SLC17A8: variants seen among roughly 807,000 people sequenced by gnomAD.
SLC17A8 encodes the protein solute carrier family 17 member 8.
A neutral mutation model predicts 58.0 loss-of-function variants in SLC17A8; 31 were observed. The observed-to-expected ratio is 0.53, with a 90% CI of 0.40 to 0.72. The LOEUF is 0.72. SLC17A8 is among the 30% of genes least tolerant of loss of function. The pLI is 0.00. For synonymous variants in SLC17A8, 228 were observed against 249.0 expected, an observed-to-expected ratio of 0.92 and a Z score of 0.79; for missense variants, 655 against 727.8, an observed-to-expected ratio of 0.90 and a Z score of 1.15.
chr12:100,404,870 T>C (rs1369028665), intron 9 of SLC17A8, among the ~76,000 whole-genome samples: 2 of 152,226 alleles, frequency 1.3e-5, no homozygotes, highest in Non-Finnish European at 2.9e-5. Context: ...AGCAGATCCC[T>C]GCAAGGTATC....
intron 2 of SLC17A8, among the ~76,000 whole-genome samples, chr12:100,381,808 G>T (rs1336114232): frequency 1.3e-5 from 2 of 152,046 alleles, no homozygotes; most frequent in Non-Finnish European, 2.9e-5. Context: ...AAACATATGG[G>T]CTTCTTTAGT....
In SLC17A8 at chr12:100,393,461, G is replaced by A. The variant is rs1203098049; in HGVS notation, c.566G>A (p.Arg189Lys). ...CATTACGGATGCGTCATGTGTGTCA[G>A]AATTCTGCAAGGTTTAGTGGAGGTA... ...RVHYGCVMCV[R>K]ILQGLVEGVT... The change falls in exon 4 of 12, where the codon AGA becomes AAA. Residue 189 changes from arginine (R) to lysine (K), a missense_variant. Arg to Lys is a conservative substitution (Grantham distance 26). Transcript: ENST00000323346. The A allele has an allele frequency of 3.1e-6, 5 of 1,613,324 alleles. No homozygotes were observed. The Admixed American group carries it at 5.0e-5, about 16-fold the overall frequency.
chr12:100,409,136 C>T (rs1952847158), intron 9 of SLC17A8, among the ~76,000 whole-genome samples: 1 of 149,970 alleles, frequency 6.7e-6, no homozygotes, highest in African/African-American at 2.5e-5. Context: ...TGCATTAATT[C>T]ATTAAACGTT....
chr12:100,383,544 G>C (rs1430292394), intron 2 of SLC17A8, among the ~76,000 whole-genome samples: 2 of 152,046 alleles, frequency 1.3e-5, no homozygotes. Context: ...ATGTTTGTTT[G>C]GTTTTTCTGT....
intron 10 of SLC17A8, among the ~76,000 whole-genome samples, chr12:100,415,223 T>A (rs1952897664): frequency 6.6e-6 from 1 of 152,192 alleles, no homozygotes; most frequent in Middle Eastern, 3.4e-3. Context: ...CCCAGCACTT[T>A]GGGAGGCCGA....
intron 5 of SLC17A8, among the ~76,000 whole-genome samples, chr12:100,400,513 A>C (rs1952783625): frequency 6.6e-6 from 1 of 152,110 alleles, no homozygotes; most frequent in African/African-American, 2.4e-5. Flanking sequence ...GGGTGTCATG[A>C]TGTTCAGATT....
chr12:100,395,567 C>T (rs111875451), intron 4 of SLC17A8, among the ~76,000 whole-genome samples: 128 of 152,122 alleles, frequency 8.4e-4, no homozygotes, highest in African/African-American at 1.7e-3. Flanking sequence ...TTAGGTGATC[C>T]GCCCACCTCG....
Position 100,378,775 on chromosome 12 carries a change from G to T in SLC17A8, c.102-1926G>T, listed in dbSNP as rs542893902. On this transcript the variant is annotated intron_variant, in intron 1 of 11. Transcript: ENST00000323346. ...AGGCCGGCAGGTAGGTAGGTACATT[G>T]GTAGGGAAATGGTTAGGTTCTTTTC... Among the ~76,000 whole-genome samples the T allele has an allele frequency of 2.0e-5, 3 of 152,232 alleles. No individual in the cohort carries two copies. In the East Asian group the frequency reaches 5.8e-4, roughly 29 times the overall value.
chr12:100,395,651 T>TACA (rs1952748396), intron 4 of SLC17A8, among the ~76,000 whole-genome samples: 2 of 151,380 alleles, frequency 1.3e-5, no homozygotes, highest in Admixed American at 1.3e-4. Flanking sequence ...CTCGCTCTGT[T>TACA]GCCCAGGCTG....
intron 9 of SLC17A8, among the ~76,000 whole-genome samples, chr12:100,409,086 A>C (rs575007401): frequency 6.6e-6 from 1 of 152,172 alleles, no homozygotes; most frequent in Admixed American, 6.5e-5. Context: ...TCAGCTTGTG[A>C]ATCTTATTTT....
intron 1 of SLC17A8, among the ~76,000 whole-genome samples, chr12:100,377,474 C>T (rs1248521891): frequency 6.6e-6 from 1 of 151,098 alleles, no homozygotes; most frequent in Non-Finnish European, 1.5e-5. Flanking sequence ...AGTCACACAG[C>T]TGAGTAAGTG....
At chr12:100,385,233 A>AAT (rs536073251) in intron 2 of SLC17A8, among the ~76,000 whole-genome samples, 1 of 106,696 alleles carries the variant, frequency 9.4e-6, no homozygotes, top group Non-Finnish European at 1.8e-5. Context: ...TGTCTTAAAC[A>AAT]TTTTTTTTTT....
At position 100,393,448 on chromosome 12, in the gene SLC17A8, G is replaced by C. The variant is rs778461278; in HGVS notation, c.553G>C (p.Val185Leu). ...TGCAGCCAGAGTGCATTACGGATGC[G>C]TCATGTGTGTCAGAATTCTGCAAGG... ...PSAARVHYGC[V>L]MCVRILQGLV... The change falls in exon 4 of 12, where the codon GTC becomes CTC. Residue 185 changes from valine to leucine, a missense_variant. Physicochemically the swap from Val to Leu is conservative, Grantham distance 32. Transcript: ENST00000323346. The C allele has an allele frequency of 1.9e-6, 3 of 1,613,474 alleles. No homozygotes were observed. The highest frequency in any genetic ancestry group is 3.3e-5 in the Admixed American group (2 of 60,004).
At position 100,383,711 on chromosome 12, in the gene SLC17A8, C is replaced by CTT. The variant is rs34969163; in HGVS notation, c.354+2771_354+2772dup. ...AGTGATTTTAACTAAAGCGTGAACACTTTTTTTTTTTTTTGAAACGGGATC... is the reference window on the plus strand; with the variant it reads ...AGTGATTTTAACTAAAGCGTGAACACTTTTTTTTTTTTTTTTGAAACGGGATC... On this transcript the variant is annotated intron_variant, in intron 2 of 11. Coordinates refer to ENST00000323346, the MANE Select transcript of SLC17A8 (RefSeq NM_139319.3). Among the ~76,000 whole-genome samples, 11 of 144,338 alleles carry CTT rather than the reference C, an allele frequency of 7.6e-5. 1 individual carries two copies. The highest frequency in any genetic ancestry group is 2.5e-4 in the African/African-American group (10 of 39,544). The allele number at this position is 144,338 out of a possible 152,430, so 94.7% of individuals were successfully genotyped here.
At chr12:100,413,032 T>C in intron 10 of SLC17A8, 152 bp downstream of exon 10, 1 of 713,928 alleles carries the variant, frequency 1.4e-6, no homozygotes, top group East Asian at 2.7e-5. Context: ...CTAGTGGGGG[T>C]GATTTTGTAA....
Position 100,420,079 on chromosome 12 carries a change from G to C in SLC17A8, c.1690G>C (p.Gly564Arg), listed in dbSNP as rs778180234. The C allele has an allele frequency of 1.4e-5, 23 of 1,614,022 alleles. No homozygotes were observed. In the African/African-American group the frequency reaches 2.0e-4, roughly 14 times the overall value. ...NCEVQKKEWKGQRGATLDEEE... is the reference protein window; with the variant it reads ...NCEVQKKEWKRQRGATLDEEE... Reference sequence around the variant, plus strand: ...TGAAGTCCAGAAGAAGGAATGGAAAGGACAGAGAGGAGCGACCCTTGATGA... The same window carrying C: ...TGAAGTCCAGAAGAAGGAATGGAAACGACAGAGAGGAGCGACCCTTGATGA... The change falls in exon 12 of 12, where the codon GGA becomes CGA. Residue 564 changes from glycine to arginine, a missense_variant. Transcript: ENST00000323346.
intron 1 of SLC17A8, among the ~76,000 whole-genome samples, chr12:100,368,000 C>T (rs1406031831): frequency 2.6e-5 from 4 of 152,142 alleles, no homozygotes; most frequent in East Asian, 1.9e-4. Flanking sequence ...TTCCAAGAAC[C>T]GTATTAGCAG....
chr12:100,385,017 C>T (rs1219292455), intron 2 of SLC17A8, among the ~76,000 whole-genome samples: 2 of 151,884 alleles, frequency 1.3e-5, no homozygotes, highest in Non-Finnish European at 2.9e-5. Context: ...TTTACTTGGC[C>T]CTGACTCTGT....
intron 2 of SLC17A8, among the ~76,000 whole-genome samples, chr12:100,383,442 G>A (rs185257533): frequency 9.2e-5 from 14 of 152,208 alleles, no homozygotes; most frequent in Admixed American, 5.2e-4. Flanking sequence ...TCTCTTGTCC[G>A]CCTAGAACAA....
Sources: gnomAD v4.1 joint callset for allele counts (sites outside exome capture counted in the v4.1 genomes callset) on GRCh38, gnomAD v4.1.1 for gene constraint, MANE v1.5 for transcripts, NCBI Gene and HGNC (gene_info 2026-07-23, HGNC 2026-07-21) for gene names.